The following KAT2A variants were observed in gnomAD, a reference collection of about 807,000 sequenced individuals.
The protein encoded by KAT2A is lysine acetyltransferase 2A.
In KAT2A, 42 loss-of-function variants were observed where a neutral mutation model predicts 95.2. The observed-to-expected ratio is 0.44, with a 90% CI of 0.34 to 0.57. The LOEUF is 0.57. Among genes scored for constraint, KAT2A ranks in the 20% least tolerant of loss-of-function variants. KAT2A has a pLI of 0.01. For synonymous variants in KAT2A, 449 were observed against 448.2 expected (o/e 1.00, Z -0.02); for missense variants, 784 against 1,126.3 (o/e 0.70, Z 4.35).
Position 42,113,418 on chromosome 17 carries a change from GGGGC to G in KAT2A, c.*227_*230del. 4.4e-6 allele frequency: 2 copies of G among 452,654 alleles called. No individual in the cohort carries two copies. Among genetic ancestry groups the G allele is most frequent in the Non-Finnish European group, 7.8e-6 (2 of 257,140 alleles). The allele number at this position is 452,654 out of a possible 1,614,324, so 28.0% of individuals were successfully genotyped here. On this transcript the variant is annotated 3_prime_UTR_variant, in exon 18 of 18. Transcript: ENST00000225916. ...ATCCCTGGCCACCAGCTACTCTAGA[GGGGC>G]TGGGCCCCAACCCAGGAGACCTCTC...
chr17:42,121,166 CT>C lies in KAT2A; in HGVS notation c.138del (p.Ala47ProfsTer19). ...GCTGGGGCTGCAGCTGGGGCAGGGG[CT>C]GGTGCCGGGGTGGGAGTCGGAATCG... ...SAPIPTPTPA[P>X]APAPAAAPAG... On this transcript the variant is annotated frameshift_variant, in exon 1 of 18. Transcript: ENST00000225916. LOFTEE classifies it high-confidence loss of function. 7.0e-7 allele frequency: 1 copy of C among 1,434,046 alleles called. No individual in the cohort carries two copies. The highest frequency in any genetic ancestry group is 1.4e-5 in the African/African-American group (1 of 69,846). 88.8% of individuals were successfully genotyped at this position (1,434,046 alleles called of 1,614,324 possible).
chr17:42,117,498 C>G lies in KAT2A; in HGVS notation c.1527G>C (p.Thr509=). The change falls in exon 10 of 18, where the codon ACG becomes ACC. Residue 509 remains threonine, a synonymous_variant. Coordinates refer to ENST00000225916, the MANE Select transcript of KAT2A (RefSeq NM_021078.3). This position sits in a 1 kb window ranked among gnomAD's most constrained non-coding sequence, Gnocchi z 8.9. Reference sequence around the variant, plus strand: ...GCAACACCCGCCGGTTGGCCTTGGGCGTCAGTGAGTTGCCGATGACATGGA... The same window carrying G: ...GCAACACCCGCCGGTTGGCCTTGGGGGTCAGTGAGTTGCCGATGACATGGA... The part of the protein sequence containing the change: ...IEFHVIGNSL[T]PKANRRVLLW... 6.2e-7 allele frequency: 1 copy of G among 1,613,722 alleles called. No individual in the cohort carries two copies. The highest frequency in any genetic ancestry group is 1.1e-5 in the South Asian group (1 of 91,090).
rs1435100779 is a variant in KAT2A at position 42,118,068 on chromosome 17, G to C, written c.1181-51C>G. ...ATGGGGGGCTGAAGCTGAGGAGAGA[G>C]AGAGAGAAGTCAGGGACGGGGGCTG... On this transcript the variant is annotated intron_variant, in intron 7 of 17. Transcript: ENST00000225916. 10 of 1,229,348 alleles carry C rather than the reference G, an allele frequency of 8.1e-6. No individual in the cohort carries two copies. In the African/African-American group the frequency reaches 1.0e-4, roughly 13 times the overall value. 76.2% of individuals were successfully genotyped at this position (1,229,348 alleles called of 1,614,324 possible). A position where few individuals can be genotyped will look rare whatever the true frequency, so the allele number is the denominator to read the frequency against.
rs868906415 is a variant in KAT2A, at chr17:42,117,294, G to A, written c.1637+94C>T. 11 of 1,551,724 alleles carry A rather than the reference G, an allele frequency of 7.1e-6. No homozygotes were observed. The African/African-American group carries it at 1.4e-4, about 19-fold the overall frequency. Reference sequence around the variant, plus strand: ...TCAAAGGATGAACCTCAGAAGTGGGGAGCAGGGGATCCCCAATTTTGAGGA... The same window carrying A: ...TCAAAGGATGAACCTCAGAAGTGGGAAGCAGGGGATCCCCAATTTTGAGGA... On this transcript the variant is annotated intron_variant, in intron 10 of 17. Coordinates refer to ENST00000225916, the MANE Select transcript of KAT2A (RefSeq NM_021078.3). The surrounding 1 kb of genome is among the most constrained non-coding windows in gnomAD (Gnocchi z 8.9).
In KAT2A at chr17:42,121,115, C is replaced by T. The variant is rs781825445; in HGVS notation, c.190G>A (p.Gly64Arg). 4.6e-6 allele frequency: 7 copies of T among 1,520,032 alleles called. No individual in the cohort carries two copies. The highest frequency in any genetic ancestry group is 5.3e-6 in the Non-Finnish European group (6 of 1,133,614). 94.2% of individuals were successfully genotyped at this position (1,520,032 alleles called of 1,614,324 possible). A position where few individuals can be genotyped will look rare whatever the true frequency, so the allele number is the denominator to read the frequency against. Residue 64 changes from glycine (G) to arginine (R), a missense_variant, in exon 1 of 18, where the codon GGG (glycine) becomes AGG (arginine). Gly to Arg is a moderately radical substitution (Grantham distance 125). Coordinates refer to ENST00000225916, the MANE Select transcript of KAT2A (RefSeq NM_021078.3). ...PAGSTGTGGPGVGSGGAGSGG... is the reference protein window; with the variant it reads ...PAGSTGTGGPRVGSGGAGSGG... The stretch of plus-strand genomic sequence containing the variant: ...CTCCCGGCCCCCCCACTTCCTACCC[C>T]GGGCCCCCCAGTCCCTGTGCTGCCG...
rs782557534 is a variant in KAT2A at position 42,114,517 on chromosome 17, T to C, written c.2107A>G (p.Ile703Val). ...LSCFKEGVRQIPVESVPGIRE... is the reference protein window; with the variant it reads ...LSCFKEGVRQVPVESVPGIRE... ...ATGCCAGGAACGCTCTCCACAGGGA[T>C]CTGCCTCACGCCCTCCTTGAAGCAG... The change falls in exon 14 of 18, where the codon ATC becomes GTC. Residue 703 changes from isoleucine (I) to valine (V), a missense_variant. Transcript: ENST00000225916. The surrounding 1 kb of genome is among the most constrained non-coding windows in gnomAD (Gnocchi z 6.0). The C allele has an allele frequency of 3.1e-6, 5 of 1,613,994 alleles. No homozygotes were observed. In the African/African-American group the frequency reaches 6.7e-5, roughly 22 times the overall value.
At position 42,120,766 on chromosome 17, in the gene KAT2A, C is replaced by T. The variant is rs1261776818; in HGVS notation, c.403G>A (p.Asp135Asn). 6.2e-7 allele frequency: 1 copy of T among 1,614,014 alleles called. No individual in the cohort carries two copies. The highest frequency in any genetic ancestry group is 8.5e-7 in the Non-Finnish European group (1 of 1,180,032). The part of the protein sequence containing the change: ...NPKPPTAPRM[D>N]LQQPAANLSE... Reference sequence around the variant, plus strand: ...AGGTTGGCAGCTGGCTGCTGCAGATCCATGCGGGGTGCAGTGGGGGGCTTG... The same window carrying T: ...AGGTTGGCAGCTGGCTGCTGCAGATTCATGCGGGGTGCAGTGGGGGGCTTG... Residue 135 changes from aspartate to asparagine, a missense_variant, in exon 2 of 18, where the codon GAT becomes AAT. Asp to Asn is a conservative substitution (Grantham distance 23). Coordinates refer to ENST00000225916, the MANE Select transcript of KAT2A (RefSeq NM_021078.3).
At chr17:42,118,643 G>A (rs1399132509) in intron 6 of KAT2A, among the ~76,000 whole-genome samples, 1 of 152,084 alleles carries the variant, frequency 6.6e-6, no homozygotes, top group Non-Finnish European at 1.5e-5. Flanking sequence ...AGGGAGACAG[G>A]TCTGAGCTGA....
In KAT2A at chr17:42,114,182, G is replaced by A; in HGVS notation, c.2235+37C>T. 1 of 1,585,144 alleles carries A rather than the reference G, an allele frequency of 6.3e-7. No individual in the cohort carries two copies. ...CTGCATCAAGAGGCCACAGCCATTG[G>A]TGCAGGGGCCCTGGAAAGGAAACCT... On this transcript the variant is annotated intron_variant, in intron 16 of 17. Coordinates refer to ENST00000225916, the MANE Select transcript of KAT2A (RefSeq NM_021078.3). The surrounding 1 kb of genome is among the most constrained non-coding windows in gnomAD (Gnocchi z 6.0).
At position 42,117,731 on chromosome 17, in the gene KAT2A, C is replaced by T. The variant is rs782253780; in HGVS notation, c.1375G>A (p.Val459Ile). The change falls in exon 9 of 18, where the codon GTC becomes ATC. Residue 459 changes from valine (V) to isoleucine (I), a missense_variant. By Grantham distance (29) the Val-to-Ile change is conservative (BLOSUM62 3). Around this residue, in one of 6 missense-constraint regions of KAT2A, gnomAD observed 174 missense variants for 324.9 expected, o/e 0.54. Coordinates refer to ENST00000225916, the MANE Select transcript of KAT2A (RefSeq NM_021078.3). The surrounding 1 kb of genome is among the most constrained non-coding windows in gnomAD (Gnocchi z 8.9). ...RVMGDIPMELVNEVMLTITDP... is the reference protein window; with the variant it reads ...RVMGDIPMELINEVMLTITDP... ...GTGATGGTCAGCATGACCTCATTGA[C>T]CAGCTCCATGGGGATGTCACCCATC... 6.2e-7 allele frequency: 1 copy of T among 1,613,866 alleles called. No homozygotes were observed. Among genetic ancestry groups the T allele is most frequent in the Non-Finnish European group, 8.5e-7 (1 of 1,179,848 alleles).
rs782684800 is a variant in KAT2A at position 42,119,512 on chromosome 17, C to T, written c.881+25G>A. On this transcript the variant is annotated intron_variant, in intron 5 of 17. Transcript: ENST00000225916. This position sits in a 1 kb window ranked among gnomAD's most constrained non-coding sequence, Gnocchi z 5.3. ...CCAGGCTGGGCCTGCAAGCCTCCCC[C>T]GAAGCTGCCCCTGGCTGGGCCTACC... 9.5e-5 allele frequency: 150 copies of T among 1,581,018 alleles called. No individual in the cohort carries two copies. Among genetic ancestry groups the T allele is most frequent in the South Asian group, 3.9e-4 (34 of 86,836 alleles).
rs1469961344 is a variant in KAT2A at position 42,117,910 on chromosome 17, G to A, written c.1288C>T (p.Pro430Ser). ...AGGTCAGGGGTCAAGTATCCACCTGGCATAGGCTCGGCCCCTGCAGAATCC... is the reference window on the plus strand; with the variant it reads ...AGGTCAGGGGTCAAGTATCCACCTGACATAGGCTCGGCCCCTGCAGAATCC... Reference protein sequence around the residue: ...SLDSAGAEPMPGEKRTLPENL... With the variant: ...SLDSAGAEPMSGEKRTLPENL... Residue 430 changes from proline to serine, a missense_variant, in exon 8 of 18, where the codon CCA becomes TCA. By Grantham distance (74) the Pro-to-Ser change is moderately conservative (BLOSUM62 -1). Around this residue, in one of 6 missense-constraint regions of KAT2A, gnomAD observed 174 missense variants for 324.9 expected, o/e 0.54. Coordinates refer to ENST00000225916, the MANE Select transcript of KAT2A (RefSeq NM_021078.3). This position sits in a 1 kb window ranked among gnomAD's most constrained non-coding sequence, Gnocchi z 8.9. The A allele has an allele frequency of 3.1e-6, 5 of 1,601,496 alleles. No homozygotes were observed. The African/African-American group carries it at 6.7e-5, about 21-fold the overall frequency.
In KAT2A at chr17:42,115,753, G is replaced by A. The variant is rs782029121; in HGVS notation, c.1845C>T (p.Asp615=). The A allele has an allele frequency of 2.5e-6, 4 of 1,612,656 alleles. No homozygotes were observed. The highest frequency in any genetic ancestry group is 3.4e-6 in the Non-Finnish European group (4 of 1,178,784). The change falls in exon 12 of 18, where the codon GAC becomes GAT. Residue 615 remains aspartate, a synonymous_variant. Coordinates refer to ENST00000225916, the MANE Select transcript of KAT2A (RefSeq NM_021078.3). ...HNILYFLTYA[D]EYAIGYFKKQ... ...TTTTGAAGTAGCCGATGGCGTACTCGTCGGCGTAGGTGAGGAAGTAGAGAA... is the reference window on the plus strand; with the variant it reads ...TTTTGAAGTAGCCGATGGCGTACTCATCGGCGTAGGTGAGGAAGTAGAGAA...
Position 42,113,645 on chromosome 17 carries a change from G to C in KAT2A, c.*4C>G. 1 of 1,604,072 alleles carries C rather than the reference G, an allele frequency of 6.2e-7. No individual in the cohort carries two copies. The highest frequency in any genetic ancestry group is 8.5e-7 in the Non-Finnish European group (1 of 1,177,016). On this transcript the variant is annotated 3_prime_UTR_variant, in exon 18 of 18. Coordinates refer to ENST00000225916, the MANE Select transcript of KAT2A (RefSeq NM_021078.3). ...CAGGTCAGGGCTGCGGCCCAAAGAT[G>C]GGCCTACTTGTCAATGAGGCCTCCC...
At chr17:42,116,966 C>T in intron 11 of KAT2A, 69 bp downstream of exon 11, 2 of 1,583,064 alleles carry the variant, frequency 1.3e-6, no homozygotes, top group Non-Finnish European at 1.7e-6. Context: ...ACACATCCTG[C>T]TGCTCCGAAC....
rs782494058 is a variant in KAT2A, at chr17:42,119,390, G to A, written c.928C>T (p.Arg310Cys). The change falls in exon 6 of 18, where the codon CGC (arginine) becomes TGC (cysteine). Residue 310 changes from arginine (R) to cysteine (C), a missense_variant. Around this residue, in one of 6 missense-constraint regions of KAT2A, gnomAD observed 208 missense variants for 339.7 expected, o/e 0.61. Coordinates refer to ENST00000225916, the MANE Select transcript of KAT2A (RefSeq NM_021078.3). This position sits in a 1 kb window ranked among gnomAD's most constrained non-coding sequence, Gnocchi z 5.3. ...CCAAAGACATGAGTGGTTTCGTAGC[G>A]GGGGAGGCTATCACAGCTCTGGGGC... ...HVPQSCDSLP[R>C]YETTHVFGRS... 6.2e-6 allele frequency: 10 copies of A among 1,613,882 alleles called. No homozygotes were observed. The highest frequency in any genetic ancestry group is 8.5e-6 in the Non-Finnish European group (10 of 1,179,838).
intron 17 of KAT2A, 40 bp from the exon 18 acceptor site, chr17:42,113,882 A>C: frequency 6.5e-7 from 1 of 1,527,396 alleles, no homozygotes; most frequent in Non-Finnish European, 8.8e-7. Flanking sequence ...TAAGAGGCTG[A>C]AGACCACGGC....
At chr17:42,115,244 G>T (rs1298907713) in intron 12 of KAT2A, among the ~76,000 whole-genome samples, 2 of 148,690 alleles carry the variant, frequency 1.3e-5, no homozygotes, top group African/African-American at 2.6e-5. Context: ...GAGTCCCCCA[G>T]TTCCTCCAGC....
Position 42,113,514 on chromosome 17 carries a change from G to T in KAT2A, c.*135C>A. On this transcript the variant is annotated 3_prime_UTR_variant, in exon 18 of 18. Transcript: ENST00000225916. ...GCCTGAAGGTCCAGAAAGAGCTGCA[G>T]GATCGGGTCCGGAGGACCCTTGGCT... is the stretch of plus-strand genomic sequence containing the variant. 1.3e-6 allele frequency: 1 copy of T among 756,778 alleles called. No individual in the cohort carries two copies. The highest frequency in any genetic ancestry group is 2.1e-6 in the Non-Finnish European group (1 of 475,930). 46.9% of individuals were successfully genotyped at this position (756,778 alleles called of 1,614,324 possible). A position where few individuals can be genotyped will look rare whatever the true frequency, so the allele number is the denominator to read the frequency against.
Sources: gnomAD v4.1 joint callset for allele counts (sites outside exome capture counted in the v4.1 genomes callset) on GRCh38, gnomAD v4.1.1 for gene constraint, gnomAD v4.1.1 regional missense constraint, Gnocchi (gnomAD v3.1) non-coding constraint, MANE v1.5 for transcripts, NCBI Gene and HGNC (gene_info 2026-07-23, HGNC 2026-07-21) for gene names.